The following MYBPC3 variants were observed in gnomAD, a reference collection of about 807,000 sequenced individuals.
MYBPC3 encodes the protein myosin binding protein C3.
In MYBPC3, 108 loss-of-function variants were observed where a neutral mutation model predicts 159.3. That is an observed-to-expected ratio of 0.68 (90% CI 0.58 to 0.80). The LOEUF is 0.80. Ranked by LOEUF, MYBPC3 falls within the 30% of genes least tolerant of loss-of-function variation. The pLI, the probability that MYBPC3 is intolerant of heterozygous loss-of-function variation, is 0.00. For missense variants in MYBPC3, 1,631 were observed against 1,762.1 expected, an observed-to-expected ratio of 0.93 and a Z score of 1.33; for synonymous variants, 730 against 702.0, an observed-to-expected ratio of 1.04 and a Z score of -0.63.
In MYBPC3 at chr11:47,343,151, T is replaced by TG. The variant is rs1205280285; in HGVS notation, c.1227-7dup. 1.2e-6 allele frequency: 2 copies of TG among 1,609,666 alleles called. No homozygotes were observed. Among genetic ancestry groups the TG allele is most frequent in the Admixed American group, 3.4e-5 (2 of 59,484 alleles). On this transcript the variant is annotated splice_region_variant and splice_polypyrimidine_tract_variant and intron_variant, in intron 14 of 34. Coordinates refer to ENST00000545968, the MANE Select transcript of MYBPC3 (RefSeq NM_000256.3). ...CGATGGACTCAAAGATGTACCTGGG[T>TG]GGGGGCCGCAGGGAAGTGGCAGGAA...
chr11:47,343,022 T>G lies in MYBPC3; in HGVS notation c.1350A>C (p.Lys450Asn). Residue 450 changes from lysine (K) to asparagine (N), a missense_variant and splice_region_variant, in exon 15 of 35, where the codon AAA becomes AAC. Coordinates refer to ENST00000545968, the MANE Select transcript of MYBPC3 (RefSeq NM_000256.3). ...CACATCCTCAGGTCCCAGGCCCACCTTTCACAAAGAGCTCCGTGCTACACT... is the reference window on the plus strand; with the variant it reads ...CACATCCTCAGGTCCCAGGCCCACCGTTCACAAAGAGCTCCGTGCTACACT... ...GEKCSTELFV[K>N]EPPVLITRPL... The G allele has an allele frequency of 6.2e-7, 1 of 1,613,184 alleles. No individual in the cohort carries two copies. The highest frequency in any genetic ancestry group is 8.5e-7 in the Non-Finnish European group (1 of 1,179,758).
At chr11:47,345,432 C>A (rs1473236049) in intron 12 of MYBPC3, among the ~76,000 whole-genome samples, 1 of 152,142 alleles carries the variant, frequency 6.6e-6, no homozygotes, top group Non-Finnish European at 1.5e-5. Flanking sequence ...CTCTCCCCGT[C>A]CCCATGATCG....
intron 18 of MYBPC3, among the ~76,000 whole-genome samples, chr11:47,341,746 G>A (rs2095888796): frequency 1.3e-5 from 2 of 152,166 alleles, no homozygotes; most frequent in Non-Finnish European, 2.9e-5. Flanking sequence ...ACTCTCCTAT[G>A]TGTGTGCCTC....
At chr11:47,342,474 G>C in intron 17 of MYBPC3, 104 bp downstream of exon 17, 1 of 1,359,580 alleles carries the variant, frequency 7.4e-7, no homozygotes, top group Non-Finnish European at 9.7e-7. Flanking sequence ...CAAGGTCACA[G>C]AGGCCTTGAG....
chr11:47,344,382 G>C (rs1004216569), intron 12 of MYBPC3, among the ~76,000 whole-genome samples: 6 of 152,172 alleles, frequency 3.9e-5, no homozygotes, highest in African/African-American at 1.4e-4. Flanking sequence ...CTGCTGCAGT[G>C]GGGGAAATAG....
chr11:47,349,692 A>G (rs944245100), intron 5 of MYBPC3, 82 bp downstream of exon 5: 14 of 1,508,796 alleles, frequency 9.3e-6, no homozygotes, highest in Non-Finnish European at 1.2e-5. Context: ...TCTGGGTCTC[A>G]TGGTGCCCTC....
chr11:47,342,649 A>G lies in MYBPC3; in HGVS notation c.1553T>C (p.Met518Thr), dbSNP rs886048378. ...TGCATAGTGCCCCGCGTCCTCCAGC[A>G]TGGCCTCGTTGATGATCAGGTGGTG... ...QRHHLIINEA[M>T]LEDAGHYALC... The change falls in exon 17 of 35, where the codon ATG (methionine) becomes ACG (threonine). Residue 518 changes from methionine (M) to threonine (T), a missense_variant. Met to Thr is a moderately conservative substitution (Grantham distance 81). Coordinates refer to ENST00000545968, the MANE Select transcript of MYBPC3 (RefSeq NM_000256.3). 6.2e-6 allele frequency: 10 copies of G among 1,613,854 alleles called. No individual in the cohort carries two copies. In the Admixed American group the frequency reaches 1.5e-4, roughly 24 times the overall value.
At position 47,346,971 on chromosome 11, in the gene MYBPC3, C is replaced by A; in HGVS notation, c.908+56G>T. The A allele has an allele frequency of 1.3e-6, 1 of 769,250 alleles. No individual in the cohort carries two copies. Among genetic ancestry groups the A allele is most frequent in the Non-Finnish European group, 2.4e-6 (1 of 420,954 alleles). The allele number at this position is 769,250 out of a possible 1,614,324, so 47.7% of individuals were successfully genotyped here. A position where few individuals can be genotyped will look rare whatever the true frequency, so the allele number is the denominator to read the frequency against. On this transcript the variant is annotated intron_variant, in intron 10 of 34. Transcript: ENST00000545968. This position sits in a 1 kb window ranked among gnomAD's most constrained non-coding sequence, Gnocchi z 5.3. ...GCCTCTCAGAGAGGGGACGGGAATC[C>A]CCTCTGCACCCACCAGCGCCCTGCC...
Position 47,349,887 on chromosome 11 carries a change from C to T in MYBPC3, c.541G>A (p.Ala181Thr), listed in dbSNP as rs773646282. ...SITFSARVAG[A>T]SLLKPPVVKW... ...ACCACAGGCGGCTTCAGGAGGCTGGCGCCGGCCACGCGGGCTGAGAAGGTG... is the reference window on the plus strand; with the variant it reads ...ACCACAGGCGGCTTCAGGAGGCTGGTGCCGGCCACGCGGGCTGAGAAGGTG... Residue 181 changes from alanine (A) to threonine (T), a missense_variant, in exon 5 of 35, where the codon GCC (alanine) becomes ACC (threonine). Ala to Thr is a moderately conservative substitution (Grantham distance 58, BLOSUM62 0). Transcript: ENST00000545968. 20 of 1,610,292 alleles carry T rather than the reference C, an allele frequency of 1.2e-5. No homozygotes were observed. Among genetic ancestry groups the T allele is most frequent in the Non-Finnish European group, 1.4e-5 (16 of 1,178,622 alleles).
chr11:47,346,417 C>T lies in MYBPC3; in HGVS notation c.927-47G>A, dbSNP rs2095894232. The T allele has an allele frequency of 6.7e-7, 1 of 1,503,316 alleles. No homozygotes were observed. Among genetic ancestry groups the T allele is most frequent in the Non-Finnish European group, 8.9e-7 (1 of 1,120,434 alleles). 93.1% of individuals were successfully genotyped at this position (1,503,316 alleles called of 1,614,324 possible). A position where few individuals can be genotyped will look rare whatever the true frequency, so the allele number is the denominator to read the frequency against. ...GTGGCCGGGGGCAAGACTGCAGCCC[C>T]CTGGGCGGGGCTTCCTGGGCCCAGG... On this transcript the variant is annotated intron_variant, in intron 11 of 34. Coordinates refer to ENST00000545968, the MANE Select transcript of MYBPC3 (RefSeq NM_000256.3). The surrounding 1 kb of genome is among the most constrained non-coding windows in gnomAD (Gnocchi z 5.3).
Position 47,348,349 on chromosome 11 carries a change from G to C in MYBPC3, c.772+75C>G. ...TGGATGGGACGAGGCATCCTCCTTA[G>C]TGTTGGGAAAAGGAGGTAGGAGACC... On this transcript the variant is annotated intron_variant, in intron 6 of 34. Coordinates refer to ENST00000545968, the MANE Select transcript of MYBPC3 (RefSeq NM_000256.3). The C allele has an allele frequency of 4.6e-6, 5 of 1,095,230 alleles. No homozygotes were observed. In the Admixed American group the frequency reaches 6.1e-5, roughly 13 times the overall value. The allele number at this position is 1,095,230 out of a possible 1,614,324, so 67.8% of individuals were successfully genotyped here. A position where few individuals can be genotyped will look rare whatever the true frequency, so the allele number is the denominator to read the frequency against.
Position 47,342,095 on chromosome 11 carries a change from C to T in MYBPC3, c.1686G>A (p.Ala562=), listed in dbSNP as rs762228885. 4.3e-6 allele frequency: 7 copies of T among 1,613,892 alleles called. No individual in the cohort carries two copies. The highest frequency in any genetic ancestry group is 5.9e-6 in the Non-Finnish European group (7 of 1,179,906). ...CATCTGAGACCTCACATTTGAACACCGCCTGGTCCTTTGCGCCCACCATCA... is the reference window on the plus strand; with the variant it reads ...CATCTGAGACCTCACATTTGAACACTGCCTGGTCCTTTGCGCCCACCATCA... ...ADLMVGAKDQ[A]VFKCEVSDEN... The change falls in exon 18 of 35, where the codon GCG becomes GCA. Residue 562 remains alanine, a synonymous_variant. Transcript: ENST00000545968.
intron 7 of MYBPC3, 88 bp downstream of exon 7, chr11:47,347,769 C>T: frequency 2.6e-6 from 4 of 1,546,478 alleles, no homozygotes; most frequent in Non-Finnish European, 3.5e-6. Flanking sequence ...CCCCGCAAAT[C>T]ATCCCCAGCC....
rs956147452 is a variant in MYBPC3, at chr11:47,350,621, G to A, written c.293-6C>T. On this transcript the variant is annotated splice_region_variant and splice_polypyrimidine_tract_variant and intron_variant, in intron 2 of 34. Coordinates refer to ENST00000545968, the MANE Select transcript of MYBPC3 (RefSeq NM_000256.3). ...CAGCATGGGCTCTGCCTTCTCTGGA[G>A]GGGATCAGATGGGAGTCGTGGTGCA... 7.4e-6 allele frequency: 11 copies of A among 1,483,070 alleles called. No homozygotes were observed. In the African/African-American group the frequency reaches 1.0e-4, roughly 14 times the overall value. 91.9% of individuals were successfully genotyped at this position (1,483,070 alleles called of 1,614,324 possible).
rs767182632 is a variant in MYBPC3, at chr11:47,335,189, G to A, written c.2758C>T (p.Leu920=). The A allele has an allele frequency of 1.9e-6, 3 of 1,605,320 alleles. No individual in the cohort carries two copies. The highest frequency in any genetic ancestry group is 2.6e-6 in the Non-Finnish European group (3 of 1,175,374). Residue 920 remains leucine, a synonymous_variant, in exon 27 of 35, where the codon CTG becomes TTG. Coordinates refer to ENST00000545968, the MANE Select transcript of MYBPC3 (RefSeq NM_000256.3). ...GATGTGTGCTCTGTCAGCCCCTGCA[G>A]GGCAGCCACCCACTCTGAGCCTGGG... The part of the protein sequence containing the change: ...PEGCSEWVAA[L]QGLTEHTSIL...
chr11:47,351,199 C>T lies in MYBPC3; in HGVS notation c.292+40G>A, dbSNP rs937527008. On this transcript the variant is annotated intron_variant, in intron 2 of 34. Coordinates refer to ENST00000545968, the MANE Select transcript of MYBPC3 (RefSeq NM_000256.3). The surrounding 1 kb of genome is among the most constrained non-coding windows in gnomAD (Gnocchi z 4.2). The stretch of plus-strand genomic sequence containing the variant: ...GAGAGTCGCTGGGCTGCCCCTCCCC[C>T]AGCAGCCCAAACCTCAGGGAAGGCT... The T allele has an allele frequency of 6.8e-7, 1 of 1,469,182 alleles. No homozygotes were observed. Among genetic ancestry groups the T allele is most frequent in the Non-Finnish European group, 9.1e-7 (1 of 1,100,208 alleles). The allele number at this position is 1,469,182 out of a possible 1,614,324, so 91.0% of individuals were successfully genotyped here. A position where few individuals can be genotyped will look rare whatever the true frequency, so the allele number is the denominator to read the frequency against.
Position 47,346,491 on chromosome 11 carries a change from G to C in MYBPC3, c.927-121C>G. The C allele has an allele frequency of 1.4e-6, 2 of 1,454,200 alleles. No homozygotes were observed. Among genetic ancestry groups the C allele is most frequent in the Non-Finnish European group, 1.8e-6 (2 of 1,090,558 alleles). The allele number at this position is 1,454,200 out of a possible 1,614,324, so 90.1% of individuals were successfully genotyped here. ...GTCCCTCTGCCCCTTCCCTTCTGGT[G>C]GGGCAGCTGGAGCTGCTCTGGGTCC... On this transcript the variant is annotated intron_variant, in intron 11 of 34. Coordinates refer to ENST00000545968, the MANE Select transcript of MYBPC3 (RefSeq NM_000256.3). The surrounding 1 kb of genome is among the most constrained non-coding windows in gnomAD (Gnocchi z 5.3).
rs777470695 is a variant in MYBPC3 at position 47,346,291 on chromosome 11, T to A, written c.1006A>T (p.Ile336Phe). ...TCAGTGACGCCGTACTGGAAGGCGA[T>A]GCGCTCGTACTCAGATGGGGGTGCC... ...RQAPPSEYER[I>F]AFQYGVTDLR... Residue 336 changes from isoleucine (I) to phenylalanine (F), a missense_variant, in exon 12 of 35, where the codon ATC becomes TTC. Coordinates refer to ENST00000545968, the MANE Select transcript of MYBPC3 (RefSeq NM_000256.3). The surrounding 1 kb of genome is among the most constrained non-coding windows in gnomAD (Gnocchi z 5.3). 6.2e-7 allele frequency: 1 copy of A among 1,613,692 alleles called. No individual in the cohort carries two copies. Among genetic ancestry groups the A allele is most frequent in the Non-Finnish European group, 8.5e-7 (1 of 1,179,756 alleles).
rs2095889112 is a variant in MYBPC3, at chr11:47,342,020, G to C, written c.1761C>G (p.Asp587Glu). Residue 587 changes from aspartate to glutamate, a missense_variant, in exon 18 of 35, where the codon GAC becomes GAG. By Grantham distance (45) the Asp-to-Glu change is conservative. Transcript: ENST00000545968. ...WLKNGKELVP[D>E]SRIKVSHIGR... ...CGATGTGGGACACCTTTATGCGGCT[G>C]TCGGGCACCAGCTCCTTCCCATTCT... The C allele has an allele frequency of 6.3e-7, 1 of 1,589,384 alleles. No homozygotes were observed. The highest frequency in any genetic ancestry group is 2.3e-5 in the East Asian group (1 of 43,890).
Sources: allele counts gnomAD v4.1 joint callset (sites outside exome capture counted in the v4.1 genomes callset), GRCh38; gene constraint gnomAD v4.1.1; non-coding constraint Gnocchi (gnomAD v3.1); transcripts MANE v1.5; gene names NCBI Gene and HGNC (gene_info 2026-07-23, HGNC 2026-07-21).